OR2A25: variants seen among roughly 807,000 people sequenced by gnomAD.
OR2A25 encodes the protein olfactory receptor family 2 subfamily A member 25, also known as olfactory receptor 2A25.
For missense variants in OR2A25, 362 were observed against 368.3 expected, an observed-to-expected ratio of 0.98 and a Z score of 0.14; for synonymous variants, 162 against 148.1, an observed-to-expected ratio of 1.09 and a Z score of -0.68.
In OR2A25 at chr7:144,075,343, T is replaced by C; in HGVS notation, c.*191T>C. On this transcript the variant is annotated 3_prime_UTR_variant, in exon 2 of 2. Coordinates refer to ENST00000641663, the MANE Select transcript of OR2A25 (RefSeq NM_001386096.1). The stretch of plus-strand genomic sequence containing the variant: ...AGCATTGAAGGTCGGAGCTGCACAA[T>C]TAATAAAAATATGTTTATACTAGCT... 7 of 521,318 alleles carry C rather than the reference T, an allele frequency of 1.3e-5. No homozygotes were observed. Among genetic ancestry groups the C allele is most frequent in the Non-Finnish European group, 2.4e-5 (7 of 294,358 alleles). 32.3% of individuals were successfully genotyped at this position (521,318 alleles called of 1,614,324 possible).
At position 144,074,412 on chromosome 7, in the gene OR2A25, C is replaced by G; in HGVS notation, c.193C>G (p.Leu65Val). The change falls in exon 2 of 2, where the codon CTG becomes GTG. Residue 65 changes from leucine to valine, a missense_variant. Coordinates refer to ENST00000641663, the MANE Select transcript of OR2A25 (RefSeq NM_001386096.1). ...CCCCATGTACTTCTTCCTCTCACAC[C>G]TGGCGGTCGTCGACATCGCCTGTGC... ...HTPMYFFLSHLAVVDIACACS... is the reference protein window; with the variant it reads ...HTPMYFFLSHVAVVDIACACS... 6.2e-7 allele frequency: 1 copy of G among 1,614,190 alleles called. No individual in the cohort carries two copies. Among genetic ancestry groups the G allele is most frequent in the Non-Finnish European group, 8.5e-7 (1 of 1,180,028 alleles).
At chr7:144,072,829 AT>A (rs993127185) in intron 1 of OR2A25, among the ~76,000 whole-genome samples, 234 of 152,282 alleles carry the variant, frequency 1.5e-3, no homozygotes, top group African/African-American at 5.5e-3. Flanking sequence ...TAACCAAAAT[AT>A]GGAATAAGCC....
intron 1 of OR2A25, 123 bp from the exon 2 acceptor site, chr7:144,074,093 G>A (rs2051087869): frequency 1.1e-6 from 1 of 880,604 alleles, no homozygotes; most frequent in Non-Finnish European, 1.8e-6. Context: ...AAGTGACTAA[G>A]ATCAAAATAT....
intron 1 of OR2A25, among the ~76,000 whole-genome samples, chr7:144,070,748 A>AT (rs2051059856): frequency 6.6e-6 from 1 of 151,932 alleles, no homozygotes; most frequent in Non-Finnish European, 1.5e-5. Flanking sequence ...GACACAAAGG[A>AT]TTTGTTTTAA....
chr7:144,069,921 G>T (rs2051053223), intron 1 of OR2A25, 25 bp downstream of exon 1: 1 of 152,104 alleles, frequency 6.6e-6, no homozygotes, highest in South Asian at 2.1e-4. Flanking sequence ...ATATTTTGGA[G>T]TTCCTGAAAC....
chr7:144,070,095 G>A (rs1367425595), intron 1 of OR2A25, among the ~76,000 whole-genome samples, 199 bp downstream of exon 1: 1 of 152,088 alleles, frequency 6.6e-6, no homozygotes. Context: ...TAAGTACAGG[G>A]AGAGCCCTTT....
At position 144,074,292 on chromosome 7, in the gene OR2A25, C is replaced by G; in HGVS notation, c.73C>G (p.Leu25Val). 6.2e-7 allele frequency: 1 copy of G among 1,614,004 alleles called. No individual in the cohort carries two copies. Among genetic ancestry groups the G allele is most frequent in the Non-Finnish European group, 8.5e-7 (1 of 1,179,898 alleles). The change falls in exon 2 of 2, where the codon CTC (leucine) becomes GTC (valine). Residue 25 changes from leucine to valine, a missense_variant. Coordinates refer to ENST00000641663, the MANE Select transcript of OR2A25 (RefSeq NM_001386096.1). ...TCCCATTGGCCCAAGGATTCAGATG[C>G]TCCTCTTTGGGCTCTTCTCCCTGTT... ...GFPIGPRIQMLLFGLFSLFYI... is the reference protein window; with the variant it reads ...GFPIGPRIQMVLFGLFSLFYI...
Position 144,075,280 on chromosome 7 carries a change from C to A in OR2A25, c.*128C>A. ...CCATCTTCTTGAAATTTTCCTATGACTACCTCCCGAGAAAGCCCATTCTGC... is the reference window on the plus strand; with the variant it reads ...CCATCTTCTTGAAATTTTCCTATGAATACCTCCCGAGAAAGCCCATTCTGC... On this transcript the variant is annotated 3_prime_UTR_variant, in exon 2 of 2. Transcript: ENST00000641663. 1 of 695,986 alleles carries A rather than the reference C, an allele frequency of 1.4e-6. No homozygotes were observed. Among genetic ancestry groups the A allele is most frequent in the Non-Finnish European group, 2.4e-6 (1 of 413,010 alleles). The allele number at this position is 695,986 out of a possible 1,614,324, so 43.1% of individuals were successfully genotyped here.
intron 1 of OR2A25, among the ~76,000 whole-genome samples, chr7:144,072,256 G>T (rs1586890724): frequency 6.6e-6 from 1 of 151,472 alleles, no homozygotes; most frequent in East Asian, 1.9e-4. Flanking sequence ...ATAGAGTCAG[G>T]CAAAAAAACA....
In OR2A25 at chr7:144,074,692, A is replaced by G. The variant is rs996227020; in HGVS notation, c.473A>G (p.His158Arg). The G allele has an allele frequency of 1.7e-5, 28 of 1,613,996 alleles. No individual in the cohort carries two copies. Among genetic ancestry groups the G allele is most frequent in the Non-Finnish European group, 2.2e-5 (26 of 1,180,026 alleles). ...WILGVLLALV[H>R]LVLLLPLSFC... is the part of the protein sequence containing the mutation. Reference sequence around the variant, plus strand: ...TTAGGAGTCTTATTGGCCCTTGTCCATCTAGTGTTACTGCTACCACTGTCC... The same window carrying G: ...TTAGGAGTCTTATTGGCCCTTGTCCGTCTAGTGTTACTGCTACCACTGTCC... Residue 158 changes from histidine (H) to arginine (R), a missense_variant, in exon 2 of 2, where the codon CAT (histidine) becomes CGT (arginine). Transcript: ENST00000641663.
intron 1 of OR2A25, among the ~76,000 whole-genome samples, chr7:144,072,191 AT>A (rs1425989399): frequency 6.6e-6 from 1 of 151,980 alleles, no homozygotes; most frequent in Non-Finnish European, 1.5e-5. Flanking sequence ...TCAATTATGA[AT>A]TTTTCTGTTT....
At chr7:144,071,096 C>T (rs562467312) in intron 1 of OR2A25, among the ~76,000 whole-genome samples, 1 of 152,128 alleles carries the variant, frequency 6.6e-6, no homozygotes, top group African/African-American at 2.4e-5. Context: ...ATTTTGCTAA[C>T]AAATAATAGG....
rs1232268935 is a variant in OR2A25, at chr7:144,074,788, A to G, written c.569A>G (p.Asp190Gly). The G allele has an allele frequency of 6.2e-7, 1 of 1,614,114 alleles. No homozygotes were observed. The highest frequency in any genetic ancestry group is 1.7e-5 in the Admixed American group (1 of 60,018). The part of the protein sequence containing the change: ...IMAVLKLACA[D>G]THINEVMVLA... ...GCTGTTCTCAAACTTGCCTGTGCGG[A>G]TACCCACATTAATGAGGTAATGGTT... The change falls in exon 2 of 2, where the codon GAT becomes GGT. Residue 190 changes from aspartate (D) to glycine (G), a missense_variant. Physicochemically the swap from Asp to Gly is moderately conservative, Grantham distance 94. Transcript: ENST00000641663.
Position 144,074,211 on chromosome 7 carries a change from T to C in OR2A25, c.-4-5T>C. On this transcript the variant is annotated splice_polypyrimidine_tract_variant and splice_region_variant and intron_variant, in intron 1 of 1. Transcript: ENST00000641663. Reference sequence around the variant, plus strand: ...GACTTGGTGAGCTCCTTGTTTCTTCTACAGGGAAATGGGGGGAAATCAGAC... The same window carrying C: ...GACTTGGTGAGCTCCTTGTTTCTTCCACAGGGAAATGGGGGGAAATCAGAC... The C allele has an allele frequency of 4.3e-6, 7 of 1,611,084 alleles. No individual in the cohort carries two copies. In the Middle Eastern group the frequency reaches 9.9e-4, roughly 229 times the overall value.
rs1360489211 is a variant in OR2A25 at position 144,074,196 on chromosome 7, G to A, written c.-4-20G>A. 1.4e-5 allele frequency: 23 copies of A among 1,601,896 alleles called. No individual in the cohort carries two copies. The highest frequency in any genetic ancestry group is 2.0e-5 in the Non-Finnish European group (23 of 1,172,050). On this transcript the variant is annotated intron_variant, in intron 1 of 1. Transcript: ENST00000641663. Reference sequence around the variant, plus strand: ...TGCCTTAGACATTCAGACTTGGTGAGCTCCTTGTTTCTTCTACAGGGAAAT... The same window carrying A: ...TGCCTTAGACATTCAGACTTGGTGAACTCCTTGTTTCTTCTACAGGGAAAT...
chr7:144,071,943 A>G (rs2051070161), intron 1 of OR2A25, among the ~76,000 whole-genome samples: 1 of 152,114 alleles, frequency 6.6e-6, no homozygotes, highest in Non-Finnish European at 1.5e-5. Flanking sequence ...CCCATCTTGA[A>G]TAGATGGTTA....
Position 144,075,237 on chromosome 7 carries a change from C to A in OR2A25, c.*85C>A. On this transcript the variant is annotated 3_prime_UTR_variant, in exon 2 of 2. Coordinates refer to ENST00000641663, the MANE Select transcript of OR2A25 (RefSeq NM_001386096.1). ...CATCCCTACTCAGGATACATAATCA[C>A]ACTCTAGAGAACCCTTTCCATCTTC... 1.0e-6 allele frequency: 1 copy of A among 958,862 alleles called. No homozygotes were observed. Among genetic ancestry groups the A allele is most frequent in the Non-Finnish European group, 1.6e-6 (1 of 631,102 alleles). 59.4% of individuals were successfully genotyped at this position (958,862 alleles called of 1,614,324 possible).
chr7:144,074,377 G>T lies in OR2A25; in HGVS notation c.158G>T (p.Arg53Ile), dbSNP rs372521550. The T allele has an allele frequency of 3.7e-6, 6 of 1,613,944 alleles. No individual in the cohort carries two copies. In the African/African-American group the frequency reaches 8.0e-5, roughly 22 times the overall value. ...TILGLISLDS[R>I]LHTPMYFFLS... ...CTGGGGCTCATCTCACTGGACTCCA[G>T]ACTCCACACCCCCATGTACTTCTTC... Residue 53 changes from arginine (R) to isoleucine (I), a missense_variant, in exon 2 of 2, where the codon AGA becomes ATA. Coordinates refer to ENST00000641663, the MANE Select transcript of OR2A25 (RefSeq NM_001386096.1).
chr7:144,072,121 C>T (rs938685007), intron 1 of OR2A25, among the ~76,000 whole-genome samples: 2 of 152,018 alleles, frequency 1.3e-5, no homozygotes, highest in Non-Finnish European at 2.9e-5. Flanking sequence ...CAAAACTTAT[C>T]TACCTTTGCT....
Sources: allele counts gnomAD v4.1 joint callset (sites outside exome capture counted in the v4.1 genomes callset), GRCh38; gene constraint gnomAD v4.1.1; transcripts MANE v1.5; gene names NCBI Gene and HGNC (gene_info 2026-07-23, HGNC 2026-07-21).